PDZD2: variants seen among roughly 807,000 people sequenced by gnomAD.
PDZD2 encodes the protein PDZ domain containing 2.
PDZD2 carries 90 observed loss-of-function variants against 220.7 expected under a neutral mutation model. The observed-to-expected ratio is 0.41, with a 90% CI of 0.34 to 0.49. The LOEUF is 0.49. Among genes scored for constraint, PDZD2 ranks in the 20% least tolerant of loss-of-function variants. PDZD2 has a pLI of 0.28. For missense variants in PDZD2, 3,174 were observed against 3,608.5 expected (o/e 0.88, Z 3.08); for synonymous variants, 1,375 against 1,450.5 (o/e 0.95, Z 1.18).
intron 2 of PDZD2, among the ~76,000 whole-genome samples, chr5:31,930,169 T>A (rs1290540889): frequency 2.0e-5 from 3 of 150,588 alleles, no homozygotes; most frequent in African/African-American, 7.3e-5. Context: ...ACCTCTTTTC[T>A]TTGTACATTA....
At chr5:32,057,056 C>T (rs908497493) in intron 10 of PDZD2, among the ~76,000 whole-genome samples, 6 of 151,948 alleles carry the variant, frequency 3.9e-5, no homozygotes, top group African/African-American at 7.3e-5. Context: ...GTCACGCCAC[C>T]GCACTCTAGC....
At chr5:31,919,409 C>T (rs1247482915) in intron 2 of PDZD2, among the ~76,000 whole-genome samples, 22 of 151,188 alleles carry the variant, frequency 1.5e-4, no homozygotes, top group Admixed American at 9.2e-4. Flanking sequence ...TGCGGCGGTA[C>T]GATCTTGGCT....
At chr5:32,085,374 A>G (rs376549265) in intron 19 of PDZD2, among the ~76,000 whole-genome samples, 2 of 150,122 alleles carry the variant, frequency 1.3e-5, no homozygotes, top group Non-Finnish European at 2.9e-5. Flanking sequence ...CATCACATCA[A>G]ATGTATCATG....
intron 2 of PDZD2, among the ~76,000 whole-genome samples, chr5:31,850,224 A>T (rs79949639): frequency 1.6e-5 from 1 of 62,174 alleles, no homozygotes; most frequent in Non-Finnish European, 3.0e-5. Flanking sequence ...GTATATATAT[A>T]AGTATATATA....
At chr5:31,981,492 C>A (rs896613173) in intron 2 of PDZD2, among the ~76,000 whole-genome samples, 1 of 152,166 alleles carries the variant, frequency 6.6e-6, no homozygotes, top group African/African-American at 2.4e-5. Context: ...ATGATCTGGC[C>A]TCCTTCCAAT....
intron 2 of PDZD2, among the ~76,000 whole-genome samples, chr5:31,866,536 A>G (rs1738249316): frequency 6.6e-6 from 1 of 152,188 alleles, no homozygotes; most frequent in South Asian, 2.1e-4. Context: ...AGCCTCCCCG[A>G]CGATACTCTC....
chr5:31,852,997 A>G (rs1321191787), intron 2 of PDZD2, among the ~76,000 whole-genome samples: 1 of 152,236 alleles, frequency 6.6e-6, no homozygotes, highest in Non-Finnish European at 1.5e-5. Context: ...ACTGTTGTGG[A>G]AAAAACACTC....
intron 1 of PDZD2, among the ~76,000 whole-genome samples, chr5:31,694,583 A>G (rs1318677618): frequency 6.6e-6 from 1 of 152,060 alleles, no homozygotes; most frequent in African/African-American, 2.4e-5. Context: ...GCTTCACGAG[A>G]TGCTGAAGCC....
At chr5:32,020,045 A>C (rs1468107768) in intron 6 of PDZD2, among the ~76,000 whole-genome samples, 1 of 149,522 alleles carries the variant, frequency 6.7e-6, no homozygotes, top group Non-Finnish European at 1.5e-5. Context: ...ATATATATAC[A>C]CACATATATA....
At chr5:31,786,072 C>T (rs954022881) in intron 1 of PDZD2, among the ~76,000 whole-genome samples, 2 of 152,154 alleles carry the variant, frequency 1.3e-5, no homozygotes, top group Admixed American at 6.5e-5. Flanking sequence ...CCTCTCACTC[C>T]CATGGACTTT....
intron 1 of PDZD2, among the ~76,000 whole-genome samples, chr5:31,670,085 G>A (rs1746156903): frequency 1.3e-5 from 2 of 152,106 alleles, no homozygotes; most frequent in African/African-American, 4.8e-5. Flanking sequence ...ATTGCAGAGC[G>A]GGCACTCCTA....
intron 6 of PDZD2, among the ~76,000 whole-genome samples, chr5:32,036,165 T>C (rs6880388): frequency 0.46 from 70,405 of 152,000 alleles, 19,684 homozygotes; most frequent in South Asian, 0.62. Flanking sequence ...TTCACTGTTT[T>C]AGCCATTAGC....
chr5:31,926,409 C>A (rs1744766236), intron 2 of PDZD2, among the ~76,000 whole-genome samples: 1 of 150,164 alleles, frequency 6.7e-6, no homozygotes, highest in Middle Eastern at 3.5e-3. Flanking sequence ...GCCTGTACTC[C>A]CGGCTACTCC....
At position 32,108,316 on chromosome 5, in the gene PDZD2, T is replaced by G; in HGVS notation, c.*181T>G. ...TATGTGCAACAGCAATGAAATTAAC[T>G]CCAGAAGCCTTCCACCTGCGTCACC... is the stretch of plus-strand genomic sequence containing the variant. On this transcript the variant is annotated 3_prime_UTR_variant, in exon 25 of 25. Transcript: ENST00000438447. The G allele has an allele frequency of 4.5e-6, 2 of 446,372 alleles. No individual in the cohort carries two copies. Among genetic ancestry groups the G allele is most frequent in the East Asian group, 3.4e-5 (1 of 29,008 alleles). The allele number at this position is 446,372 out of a possible 1,614,324, so 27.7% of individuals were successfully genotyped here.
intron 2 of PDZD2, among the ~76,000 whole-genome samples, chr5:31,961,244 A>G (rs138991955): frequency 2.0e-5 from 3 of 152,068 alleles, no homozygotes; most frequent in Non-Finnish European, 4.4e-5. Context: ...AATCTGAGGC[A>G]GGGCATTTAA....
intron 2 of PDZD2, among the ~76,000 whole-genome samples, chr5:31,850,232 A>ACG (rs1757962913): frequency 1.1e-5 from 1 of 94,356 alleles, no homozygotes; most frequent in Non-Finnish European, 2.3e-5. Flanking sequence ...ATAAGTATAT[A>ACG]TATATATATA....
At chr5:31,752,232 C>G (rs1018885130) in intron 1 of PDZD2, among the ~76,000 whole-genome samples, 1 of 151,788 alleles carries the variant, frequency 6.6e-6, no homozygotes, top group Non-Finnish European at 1.5e-5. Flanking sequence ...GTATGTGCCA[C>G]CATGCCCGGC....
intron 2 of PDZD2, among the ~76,000 whole-genome samples, chr5:31,977,988 A>G (rs748385985): frequency 1.7e-4 from 26 of 152,212 alleles, no homozygotes; most frequent in Non-Finnish European, 3.7e-4. Flanking sequence ...AGAGAACTAC[A>G]ATAGATTTCA....
chr5:32,052,875 A>G (rs1050244620), intron 9 of PDZD2, 145 bp downstream of exon 9: 12 of 779,036 alleles, frequency 1.5e-5, no homozygotes, highest in Non-Finnish European at 2.1e-5. Flanking sequence ...CAGTGGTGCA[A>G]TCATGGCTCA....
Sources: gnomAD v4.1 joint callset for allele counts (sites outside exome capture counted in the v4.1 genomes callset) on GRCh38, gnomAD v4.1.1 for gene constraint, MANE v1.5 for transcripts, NCBI Gene and HGNC (gene_info 2026-07-23, HGNC 2026-07-21) for gene names.